MAP3K12: variants seen among roughly 807,000 people sequenced by gnomAD.
MAP3K12 encodes the protein mitogen-activated protein kinase kinase kinase 12.
Under a neutral mutation model 87.5 loss-of-function variants are expected in MAP3K12, and 14 were observed. That is an observed-to-expected ratio of 0.16 (90% CI 0.11 to 0.25). MAP3K12 has a LOEUF of 0.25. MAP3K12 is among the 10% of genes least tolerant of loss of function. The probability of loss-of-function intolerance (pLI) is 1.00; values close to 1 mark genes in which losing one functional copy is unlikely to be tolerated. For missense variants in MAP3K12, 802 were observed against 1,140.4 expected, an observed-to-expected ratio of 0.70 and a Z score of 4.27; for synonymous variants, 469 against 452.5, an observed-to-expected ratio of 1.04 and a Z score of -0.46.
Position 53,481,115 on chromosome 12 carries a change from A to G in MAP3K12, c.*67T>C, listed in dbSNP as rs1202064465. The G allele has an allele frequency of 1.9e-5, 12 of 621,014 alleles. No individual in the cohort carries two copies. Among genetic ancestry groups the G allele is most frequent in the Non-Finnish European group, 2.6e-5 (12 of 458,656 alleles). 38.5% of individuals were successfully genotyped at this position (621,014 alleles called of 1,614,324 possible). ...TCTGTTGATTATGTGGCGCATATAT[A>G]TATATATATGTATATATATATAATT... On this transcript the variant is annotated 3_prime_UTR_variant, in exon 14 of 14. Transcript: ENST00000547488.
intron 1 of MAP3K12, among the ~76,000 whole-genome samples, chr12:53,498,514 AG>A (rs1463915779): frequency 6.6e-6 from 1 of 152,116 alleles, no homozygotes; most frequent in African/African-American, 2.4e-5. Flanking sequence ...CTTAATTCTA[AG>A]GGACACCTCA....
At position 53,490,327 on chromosome 12, in the gene MAP3K12, G is replaced by A. The variant is rs544568744; in HGVS notation, c.-37-2899C>T. Among the ~76,000 whole-genome samples, 4 of 152,136 alleles carry A rather than the reference G, an allele frequency of 2.6e-5. No homozygotes were observed. The South Asian group carries it at 8.3e-4, about 32-fold the overall frequency. On this transcript the variant is annotated intron_variant, in intron 1 of 13. Coordinates refer to ENST00000547488, the MANE Select transcript of MAP3K12 (RefSeq NM_001193511.2). ...TCAACAACAACAAAAAACAGATTGG[G>A]CCAGGCATGGTGGCTCACACCTTTA...
Position 53,481,247 on chromosome 12 carries a change from T to C in MAP3K12, c.2614A>G (p.Ser872Gly). ...PPNSEDSDCD[S>G]TELDNSNSVD... ...CTGTTGGAGTTGTCCAATTCAGTGC[T>C]GTCACAGTCTGAGTCCTCAGAATTG... The change falls in exon 14 of 14, where the codon AGC (serine) becomes GGC (glycine). Residue 872 changes from serine to glycine, a missense_variant. Ser to Gly is a moderately conservative substitution (Grantham distance 56). Coordinates refer to ENST00000547488, the MANE Select transcript of MAP3K12 (RefSeq NM_001193511.2). The C allele has an allele frequency of 6.4e-7, 1 of 1,567,396 alleles. No homozygotes were observed. Among genetic ancestry groups the C allele is most frequent in the Non-Finnish European group, 8.6e-7 (1 of 1,157,112 alleles).
At chr12:53,484,129 G>A (rs1158420781) in intron 7 of MAP3K12, 109 bp from the exon 8 acceptor site, 22 of 1,372,488 alleles carry the variant, frequency 1.6e-5, no homozygotes, top group Non-Finnish European at 2.3e-5. Flanking sequence ...AAAAGGAGTG[G>A]ATTGACTCAG....
chr12:53,489,608 C>T (rs533386280), intron 1 of MAP3K12, among the ~76,000 whole-genome samples: 1 of 152,326 alleles, frequency 6.6e-6, no homozygotes, highest in Admixed American at 6.5e-5. Context: ...TAGCAGGGTC[C>T]TTCCATGAGC....
chr12:53,484,846 TA>T, intron 6 of MAP3K12: 1 of 614,148 alleles, frequency 1.6e-6, no homozygotes, highest in East Asian at 2.8e-5. Flanking sequence ...CAGATATCGT[TA>T]AGTGTATTTT....
chr12:53,482,665 G>C lies in MAP3K12; in HGVS notation c.2138C>G (p.Thr713Ser). 6.2e-7 allele frequency: 1 copy of C among 1,613,948 alleles called. No homozygotes were observed. Residue 713 changes from threonine to serine, a missense_variant, in exon 11 of 14, where the codon ACT (threonine) becomes AGT (serine). This residue lies in a region of MAP3K12 where 490 missense variants were observed against 496.6 expected (regional missense o/e 0.99). Coordinates refer to ENST00000547488, the MANE Select transcript of MAP3K12 (RefSeq NM_001193511.2). ...GPGEGVGLLG[T>S]GREGTSGRGG... is the part of the protein sequence containing the mutation. ...CCGGCCTGAGGTCCCTTCCCTTCCA[G>C]TTCCCAGAAGCCCCACACCTTCACC...
Position 53,483,005 on chromosome 12 carries a change from G to T in MAP3K12, c.1798C>A (p.Pro600Thr). The T allele has an allele frequency of 6.4e-7, 1 of 1,569,530 alleles. No homozygotes were observed. The change falls in exon 11 of 14, where the codon CCA becomes ACA. Residue 600 changes from proline (P) to threonine (T), a missense_variant. Coordinates refer to ENST00000547488, the MANE Select transcript of MAP3K12 (RefSeq NM_001193511.2). ...GDLPGLRTAV[P>T]PHEPGGPGSP... ...CCTGGTCCTCCAGGTTCATGGGGTG[G>T]CACAGCTGTACGAAGCCCAGGCAGG...
intron 1 of MAP3K12, among the ~76,000 whole-genome samples, chr12:53,494,949 T>A (rs954088726): frequency 4.6e-5 from 7 of 151,902 alleles, no homozygotes; most frequent in African/African-American, 1.7e-4. Flanking sequence ...TGATCACGGC[T>A]CACTGCCTGC....
rs1943168107 is a variant in MAP3K12 at position 53,484,421 on chromosome 12, G to A, written c.1140-56C>T. 5 of 1,297,056 alleles carry A rather than the reference G, an allele frequency of 3.9e-6. No individual in the cohort carries two copies. In the South Asian group the frequency reaches 6.0e-5, roughly 16 times the overall value. The allele number at this position is 1,297,056 out of a possible 1,614,324, so 80.3% of individuals were successfully genotyped here. A position where few individuals can be genotyped will look rare whatever the true frequency, so the allele number is the denominator to read the frequency against. ...GAGAATTTGAGGGAGGATCAGATAG[G>A]AACTGGAGCATCCTTTCCCAAAGTG... On this transcript the variant is annotated intron_variant, in intron 6 of 13. Transcript: ENST00000547488.
rs138701652 is a variant in MAP3K12, at chr12:53,498,252, T to C, written c.-38+1175A>G. 2.5e-4 allele frequency among the ~76,000 whole-genome samples: 38 copies of C among 152,302 alleles called. No homozygotes were observed. In the East Asian group the frequency reaches 7.1e-3, roughly 29 times the overall value. On this transcript the variant is annotated intron_variant, in intron 1 of 13. Coordinates refer to ENST00000547488, the MANE Select transcript of MAP3K12 (RefSeq NM_001193511.2). Reference sequence around the variant, plus strand: ...AGGCTCAGGGGGCACTTGAGTCCTATCCTTCCTAAATCCTTTCTGTTAGCC... The same window carrying C: ...AGGCTCAGGGGGCACTTGAGTCCTACCCTTCCTAAATCCTTTCTGTTAGCC...
At chr12:53,483,301 C>T (rs773690734) in intron 10 of MAP3K12, 48 bp downstream of exon 10, 3 of 1,599,916 alleles carry the variant, frequency 1.9e-6, no homozygotes, top group Non-Finnish European at 2.6e-6. Context: ...CCTGTTGCCA[C>T]TTCAGTATCC....
chr12:53,489,554 G>A lies in MAP3K12; in HGVS notation c.-37-2126C>T, dbSNP rs144160331. 2.5e-3 allele frequency among the ~76,000 whole-genome samples: 381 copies of A among 152,300 alleles called. 2 individuals carry two copies. Among genetic ancestry groups the A allele is most frequent in the African/African-American group, 8.9e-3 (369 of 41,544 alleles). Reference sequence around the variant, plus strand: ...TGTCAGTTACCAGATCCTGAGATTTGAAGATTCCCAAGAACAAGCATCCCT... The same window carrying A: ...TGTCAGTTACCAGATCCTGAGATTTAAAGATTCCCAAGAACAAGCATCCCT... On this transcript the variant is annotated intron_variant, in intron 1 of 13. Transcript: ENST00000547488.
chr12:53,498,968 GT>G (rs1943608905), intron 1 of MAP3K12, among the ~76,000 whole-genome samples: 2 of 36,150 alleles, frequency 5.5e-5, no homozygotes, highest in Admixed American at 7.1e-4. Context: ...GTGTGTGTGT[GT>G]GTGTGTGTGT....
intron 1 of MAP3K12, among the ~76,000 whole-genome samples, chr12:53,497,278 T>C (rs1025152062): frequency 1.3e-5 from 2 of 152,160 alleles, no homozygotes; most frequent in Non-Finnish European, 1.5e-5. Flanking sequence ...TAACACACAC[T>C]TGTAAGTTTT....
intron 1 of MAP3K12, among the ~76,000 whole-genome samples, chr12:53,491,839 C>G (rs983283780): frequency 2.0e-5 from 3 of 151,452 alleles, no homozygotes; most frequent in Non-Finnish European, 4.4e-5. Flanking sequence ...TCTGGGAAGC[C>G]GAGGTGGGCG....
At chr12:53,491,301 A>AAGAAAAAAAAAG (rs1555212341) in intron 1 of MAP3K12, among the ~76,000 whole-genome samples, 5 of 101,568 alleles carry the variant, frequency 4.9e-5, no homozygotes, top group Admixed American at 1.3e-4. Flanking sequence ...AAAAAAAAAA[A>AAGAAAAAAAAAG]AAAAGAAAAG....
rs750712535 is a variant in MAP3K12 at position 53,486,932 on chromosome 12, A to G, written c.445+15T>C. 1 of 1,609,816 alleles carries G rather than the reference A, an allele frequency of 6.2e-7. No individual in the cohort carries two copies. Among genetic ancestry groups the G allele is most frequent in the South Asian group, 1.1e-5 (1 of 91,024 alleles). ...AGGGAAACAGAGAGGAGGCTCCCAC[A>G]AGGACGTGGCCTACCTTCCTGCTGC... is the stretch of plus-strand genomic sequence containing the variant. On this transcript the variant is annotated intron_variant, in intron 2 of 13. Transcript: ENST00000547488. This position sits in a 1 kb window ranked among gnomAD's most constrained non-coding sequence, Gnocchi z 4.9.
At chr12:53,490,238 A>T (rs1943362732) in intron 1 of MAP3K12, among the ~76,000 whole-genome samples, 1 of 151,852 alleles carries the variant, frequency 6.6e-6, no homozygotes, top group Non-Finnish European at 1.5e-5. Flanking sequence ...TGGGAGGAGG[A>T]GGTTGCAGTG....
Sources: gnomAD v4.1 joint callset for allele counts (sites outside exome capture counted in the v4.1 genomes callset) on GRCh38, gnomAD v4.1.1 for gene constraint, gnomAD v4.1.1 regional missense constraint, Gnocchi (gnomAD v3.1) non-coding constraint, MANE v1.5 for transcripts, NCBI Gene and HGNC (gene_info 2026-07-23, HGNC 2026-07-21) for gene names.